NRXN3: variants seen among roughly 807,000 people sequenced by gnomAD.
NRXN3 encodes neurexin 3.
In NRXN3, 32 loss-of-function variants were observed where a neutral mutation model predicts 137.6. The ratio of observed to expected loss-of-function variants is 0.23; its 90% confidence interval spans 0.18 to 0.31. The LOEUF (loss-of-function observed/expected upper bound fraction) is 0.31, where lower values mean the gene tolerates loss of function less well. Among genes scored for constraint, NRXN3 ranks in the 10% least tolerant of loss-of-function variants. The pLI, the probability that NRXN3 is intolerant of heterozygous loss-of-function variation, is 1.00. For synonymous variants in NRXN3, 798 were observed against 784.5 expected (o/e 1.02, Z -0.29); for missense variants, 1,574 against 2,062.5 (o/e 0.76, Z 4.59).
intron 15 of NRXN3, among the ~76,000 whole-genome samples, chr14:79,150,025 A>G (rs531176260): frequency 6.6e-6 from 1 of 152,192 alleles, no homozygotes; most frequent in East Asian, 1.9e-4. Flanking sequence ...ATGACACATT[A>G]CTTTCCCCAC....
Position 78,957,058 on chromosome 14 carries a change from A to G in NRXN3, c.2276-184A>G, listed in dbSNP as rs75919094. Among the ~76,000 whole-genome samples the G allele has an allele frequency of 7.0e-4, 106 of 152,236 alleles. No individual in the cohort carries two copies. In the East Asian group the frequency reaches 0.018, roughly 26 times the overall value. ...CATTATCCTTTATGTTTGAATTGAG[A>G]CTTTTGCATTTGGGGACTCCTACAG... On this transcript the variant is annotated intron_variant, in intron 10 of 20. Transcript: ENST00000335750.
chr14:78,813,299 A>G (rs977405075), intron 10 of NRXN3, among the ~76,000 whole-genome samples: 15 of 152,168 alleles, frequency 9.9e-5, no homozygotes, highest in African/African-American at 3.6e-4. Context: ...CCCTCTTCTT[A>G]TTGACTCCAT....
At chr14:79,421,244 C>T (rs989448738) in intron 15 of NRXN3, among the ~76,000 whole-genome samples, 19 of 152,114 alleles carry the variant, frequency 1.2e-4, no homozygotes, top group African/African-American at 4.6e-4. Flanking sequence ...ATATGGGTCT[C>T]GCCGCACTAA....
At chr14:79,555,488 T>C (rs1209028166) in intron 16 of NRXN3, among the ~76,000 whole-genome samples, 1 of 152,114 alleles carries the variant, frequency 6.6e-6, no homozygotes, top group Non-Finnish European at 1.5e-5. Context: ...CCTCAAGACC[T>C]CAGAATGTAA....
chr14:79,357,465 C>G (rs1186503024), intron 15 of NRXN3, among the ~76,000 whole-genome samples: 4 of 152,136 alleles, frequency 2.6e-5, no homozygotes, highest in Non-Finnish European at 5.9e-5. Flanking sequence ...TTTAAGTTTT[C>G]TGGGACTGTT....
intron 15 of NRXN3, among the ~76,000 whole-genome samples, chr14:79,012,674 CAGA>C (rs1370580851): frequency 6.6e-6 from 1 of 152,146 alleles, no homozygotes; most frequent in Admixed American, 6.6e-5. Flanking sequence ...TGTGTTTCCC[CAGA>C]AGACCATCTG....
At chr14:78,437,493 C>T (rs2094111895) in intron 4 of NRXN3, among the ~76,000 whole-genome samples, 1 of 152,108 alleles carries the variant, frequency 6.6e-6, no homozygotes, top group Admixed American at 6.6e-5. Context: ...GGATTACAGG[C>T]ATGCGCCATG....
intron 15 of NRXN3, among the ~76,000 whole-genome samples, chr14:79,190,706 C>T (rs8017544): frequency 0.28 from 43,235 of 151,942 alleles, 6,726 homozygotes; most frequent in Non-Finnish European, 0.36. Flanking sequence ...TTCTTAAGAT[C>T]CCCTGGAATT....
chr14:79,236,076 G>T (rs2073306740), intron 15 of NRXN3, among the ~76,000 whole-genome samples: 1 of 152,056 alleles, frequency 6.6e-6, no homozygotes, highest in South Asian at 2.1e-4. Flanking sequence ...TCCAGCAAGA[G>T]AATAATTACA....
At chr14:79,090,688 A>C (rs1334060527) in intron 15 of NRXN3, among the ~76,000 whole-genome samples, 1 of 152,132 alleles carries the variant, frequency 6.6e-6, no homozygotes, top group Admixed American at 6.6e-5. Context: ...CAGCAGAAGA[A>C]AGTCCAACTC....
At chr14:78,253,419 A>G (rs1052906163) in intron 2 of NRXN3, among the ~76,000 whole-genome samples, 49 of 152,256 alleles carry the variant, frequency 3.2e-4, no homozygotes, top group African/African-American at 1.2e-3. Flanking sequence ...CACGCCTGCA[A>G]TCCCAGTACT....
intron 4 of NRXN3, among the ~76,000 whole-genome samples, chr14:78,497,050 G>T (rs147656803): frequency 1.3e-5 from 2 of 152,148 alleles, no homozygotes; most frequent in East Asian, 3.9e-4. Flanking sequence ...GCCATCACTT[G>T]CTGCAAAACA....
At chr14:78,853,164 C>A (rs1416864669) in intron 10 of NRXN3, among the ~76,000 whole-genome samples, 1 of 152,058 alleles carries the variant, frequency 6.6e-6, no homozygotes, top group African/African-American at 2.4e-5. Flanking sequence ...GTGTGCTGCA[C>A]CCATTAACTC....
chr14:78,203,736 C>G (rs2099317533), intron 1 of NRXN3, among the ~76,000 whole-genome samples: 1 of 151,828 alleles, frequency 6.6e-6, no homozygotes, highest in Non-Finnish European at 1.5e-5. Flanking sequence ...AGCACAGAGA[C>G]AGAAGCAAAA....
intron 4 of NRXN3, among the ~76,000 whole-genome samples, chr14:78,524,726 C>T (rs931364065): frequency 6.6e-6 from 1 of 152,084 alleles, no homozygotes; most frequent in Non-Finnish European, 1.5e-5. Context: ...AAAAAGATAC[C>T]TTCAACCTCT....
At chr14:78,535,818 G>T (rs1384574973) in intron 4 of NRXN3, among the ~76,000 whole-genome samples, 2 of 152,108 alleles carry the variant, frequency 1.3e-5, no homozygotes, top group African/African-American at 4.8e-5. Context: ...CTGAGAATTA[G>T]GTAAGAAAAT....
At chr14:78,456,803 TTC>T (rs1320496018) in intron 4 of NRXN3, among the ~76,000 whole-genome samples, 7 of 82,850 alleles carry the variant, frequency 8.4e-5, no homozygotes, top group Admixed American at 5.3e-4. Flanking sequence ...CTTTCTCTCT[TTC>T]TTTCTTTCTT....
intron 19 of NRXN3, among the ~76,000 whole-genome samples, chr14:79,794,716 TAGA>T (rs1354852182): frequency 1.3e-5 from 2 of 152,168 alleles, no homozygotes; most frequent in Admixed American, 6.5e-5. Context: ...CACTCTTGCC[TAGA>T]AGACAGTACC....
chr14:78,225,989 GTGT>G (rs2064590882), intron 1 of NRXN3, among the ~76,000 whole-genome samples: 2 of 147,890 alleles, frequency 1.4e-5, no homozygotes, highest in African/African-American at 5.1e-5. Context: ...GTGTGTGTGT[GTGT>G]GTGTGTGTGT....
Sources: gnomAD v4.1 joint callset for allele counts (sites outside exome capture counted in the v4.1 genomes callset) on GRCh38, gnomAD v4.1.1 for gene constraint, MANE v1.5 for transcripts, NCBI Gene and HGNC (gene_info 2026-07-23, HGNC 2026-07-21) for gene names.